MARK3: variants seen among roughly 807,000 people sequenced by gnomAD.
MARK3 encodes microtubule affinity regulating kinase 3, also known as MAP/microtubule affinity-regulating kinase 3.
A neutral mutation model predicts 90.1 loss-of-function variants in MARK3; 46 were observed. The observed-to-expected ratio is 0.51, with a 90% confidence interval of 0.40 to 0.65. MARK3 has a LOEUF of 0.65. MARK3 is among the 30% of genes least tolerant of loss of function. The pLI is 0.00. For synonymous variants in MARK3, 321 were observed against 332.6 expected (o/e 0.97, Z 0.38); for missense variants, 818 against 947.2 (o/e 0.86, Z 1.79).
intron 2 of MARK3, among the ~76,000 whole-genome samples, chr14:103,411,067 G>A (rs1317830043): frequency 2.0e-5 from 3 of 152,218 alleles, no homozygotes; most frequent in African/African-American, 7.2e-5. Flanking sequence ...GAGGTCAGGA[G>A]ATCGAGACCA....
intron 14 of MARK3, among the ~76,000 whole-genome samples, chr14:103,481,376 T>A (rs1485308747): frequency 6.6e-6 from 1 of 152,088 alleles, no homozygotes; most frequent in African/African-American, 2.4e-5. Context: ...TTTCTGCAGT[T>A]ACGGTGTGAG....
intron 7 of MARK3, among the ~76,000 whole-genome samples, chr14:103,464,737 C>T (rs1371556130): frequency 6.6e-6 from 1 of 152,228 alleles, no homozygotes; most frequent in African/African-American, 2.4e-5. Context: ...TACTCTGTCA[C>T]CCAGGCTGGA....
At chr14:103,410,103 A>G (rs1440376691) in intron 2 of MARK3, among the ~76,000 whole-genome samples, 4 of 152,234 alleles carry the variant, frequency 2.6e-5, no homozygotes, top group African/African-American at 9.6e-5. Context: ...ATTTTTGTCT[A>G]TCTGAAGGTC....
chr14:103,386,283 A>G (rs1269965498), intron 1 of MARK3: 3 of 707,110 alleles, frequency 4.2e-6, no homozygotes, highest in Non-Finnish European at 5.2e-6. Context: ...TCTGCGAAGT[A>G]CATCGATTAT....
chr14:103,446,968 C>T lies in MARK3; in HGVS notation c.298-1951C>T, dbSNP rs534043744. The stretch of plus-strand genomic sequence containing the variant: ...GGTTGTCAGGAATTTACTTGGGTGA[C>T]TATCTTCTCATCTCAGAACATAAAA... On this transcript the variant is annotated intron_variant, in intron 3 of 17. Coordinates refer to ENST00000429436, the MANE Select transcript of MARK3 (RefSeq NM_001128918.3). Among the ~76,000 whole-genome samples, 7 of 152,166 alleles carry T rather than the reference C, an allele frequency of 4.6e-5. No homozygotes were observed. In the South Asian group the frequency reaches 1.5e-3, roughly 32 times the overall value.
intron 14 of MARK3, among the ~76,000 whole-genome samples, chr14:103,483,192 A>G (rs1359196581): frequency 2.0e-5 from 3 of 152,230 alleles, no homozygotes; most frequent in African/African-American, 4.8e-5. Context: ...ACCCACCCAT[A>G]TATCTTATTT....
At chr14:103,400,083 C>A (rs2090861185) in intron 1 of MARK3, among the ~76,000 whole-genome samples, 1 of 152,038 alleles carries the variant, frequency 6.6e-6, no homozygotes, top group Non-Finnish European at 1.5e-5. Context: ...CATGTGCCAC[C>A]ATGCCTGGCT....
chr14:103,388,148 C>G (rs2089958805), intron 1 of MARK3, among the ~76,000 whole-genome samples: 2 of 152,308 alleles, frequency 1.3e-5, no homozygotes, highest in African/African-American at 4.8e-5. Context: ...TCGTGCTGGT[C>G]TCAAACTCCC....
intron 12 of MARK3, among the ~76,000 whole-genome samples, chr14:103,470,455 A>ATTTTTTTTTTTTTTTTT (rs6145477): frequency 0.12 from 6,424 of 54,744 alleles, 2,014 homozygotes; most frequent in Non-Finnish European, 0.16. Context: ...AACTAAATCT[A>ATTTTTTTTTTTTTTTTT]TTTTTTTTTT....
chr14:103,403,857 G>A (rs1208114745), intron 1 of MARK3, among the ~76,000 whole-genome samples: 3 of 152,152 alleles, frequency 2.0e-5, no homozygotes, highest in African/African-American at 7.2e-5. Context: ...ATGTTTACAA[G>A]TTGCCTAGAT....
intron 1 of MARK3, among the ~76,000 whole-genome samples, chr14:103,394,377 C>G (rs2090450495): frequency 6.6e-6 from 1 of 152,120 alleles, no homozygotes. Context: ...CCGTCTGCAC[C>G]TGCTTGTACA....
intron 1 of MARK3, among the ~76,000 whole-genome samples, chr14:103,398,218 GAT>G (rs1409924918): frequency 6.6e-6 from 1 of 152,148 alleles, no homozygotes; most frequent in Non-Finnish European, 1.5e-5. Context: ...GTTTCTTTGG[GAT>G]ATATAGCTTG....
chr14:103,488,936 G>A (rs1401971482), intron 14 of MARK3, among the ~76,000 whole-genome samples: 1 of 152,224 alleles, frequency 6.6e-6, no homozygotes, highest in Non-Finnish European at 1.5e-5. Context: ...CAGAATTCCA[G>A]TTGCTAATTG....
chr14:103,442,910 T>A (rs541596955), intron 3 of MARK3, among the ~76,000 whole-genome samples: 1 of 146,050 alleles, frequency 6.8e-6, no homozygotes, highest in Admixed American at 6.8e-5. Flanking sequence ...TTGAAAACAG[T>A]AGAAATGGTA....
chr14:103,436,832 G>C (rs369653414), intron 3 of MARK3, among the ~76,000 whole-genome samples: 7 of 152,306 alleles, frequency 4.6e-5, no homozygotes, highest in African/African-American at 1.7e-4. Flanking sequence ...GCTCACTCCT[G>C]TAATCCCAGC....
intron 10 of MARK3, 140 bp from the exon 11 acceptor site, chr14:103,466,939 G>A (rs186709856): frequency 1.3e-4 from 59 of 453,102 alleles, no homozygotes; most frequent in African/African-American, 1.1e-3. Context: ...GGGAGGTGGA[G>A]GTTGCGGTGA....
Position 103,503,006 on chromosome 14 carries a change from A to T in MARK3, c.2041A>T (p.Lys681Ter). The change falls in exon 18 of 18, where the codon AAA becomes TAA. Residue 681 changes from lysine (K) to a stop codon, truncating the protein, a stop_gained. Coordinates refer to ENST00000429436, the MANE Select transcript of MARK3 (RefSeq NM_001128918.3). LOFTEE classifies it high-confidence loss of function. ...CGGGGACATGATGCGGGAAATCCGC[A>T]AAGTGTTGGACGCCAATAACTGCGA... ...DPGDMMREIR[K>*]VLDANNCDYE... is the part of the protein sequence containing the mutation. 6.2e-7 allele frequency: 1 copy of T among 1,614,260 alleles called. No individual in the cohort carries two copies. Among genetic ancestry groups the T allele is most frequent in the African/African-American group, 1.3e-5 (1 of 75,070 alleles).
chr14:103,426,214 T>TA (rs1488410122), intron 2 of MARK3, among the ~76,000 whole-genome samples: 2 of 152,100 alleles, frequency 1.3e-5, no homozygotes, highest in African/African-American at 4.8e-5. Flanking sequence ...TTCATACAAA[T>TA]ATATTATTTG....
chr14:103,437,256 C>G (rs543255461), intron 3 of MARK3, among the ~76,000 whole-genome samples: 1 of 151,804 alleles, frequency 6.6e-6, no homozygotes, highest in East Asian at 1.9e-4. Flanking sequence ...ATAAATAATA[C>G]GGGTTGATAT....
Sources: allele counts gnomAD v4.1 joint callset (sites outside exome capture counted in the v4.1 genomes callset), GRCh38; gene constraint gnomAD v4.1.1; transcripts MANE v1.5; gene names NCBI Gene and HGNC (gene_info 2026-07-23, HGNC 2026-07-21).